The following ZFYVE1 variants were observed in gnomAD, a reference collection of about 807,000 sequenced individuals.
ZFYVE1 encodes the protein zinc finger FYVE-type containing 1.
In ZFYVE1, 30 loss-of-function variants were observed where a neutral mutation model predicts 74.4. The observed-to-expected ratio is 0.40, with a 90% CI of 0.30 to 0.55. The LOEUF (loss-of-function observed/expected upper bound fraction) is 0.55. Among genes scored for constraint, ZFYVE1 ranks in the 20% least tolerant of loss-of-function variants. The probability of loss-of-function intolerance (pLI) is 0.42; values close to 1 mark genes in which losing one functional copy is unlikely to be tolerated. For synonymous variants in ZFYVE1, 335 were observed against 385.1 expected, an observed-to-expected ratio of 0.87 and a Z score of 1.52; for missense variants, 703 against 1,011.6, an observed-to-expected ratio of 0.69 and a Z score of 4.14.
intron 2 of ZFYVE1, 113 bp from the exon 3 acceptor site, chr14:72,998,428 AG>A (rs1332964839): frequency 1.9e-6 from 2 of 1,027,562 alleles, no homozygotes; most frequent in Non-Finnish European, 2.7e-6. Flanking sequence ...TGTCAAAGAA[AG>A]GAAGTCACAG....
intron 11 of ZFYVE1, among the ~76,000 whole-genome samples, chr14:72,973,508 CAAACAAAA>C (rs893913270): frequency 5.6e-4 from 81 of 145,654 alleles, no homozygotes; most frequent in Non-Finnish European, 3.1e-4. Context: ...AACAAACAAA[CAAACAAAA>C]AAAAAGAGAT....
intron 2 of ZFYVE1, among the ~76,000 whole-genome samples, chr14:73,020,553 C>T (rs1033074395): frequency 5.3e-5 from 8 of 152,146 alleles, no homozygotes; most frequent in Non-Finnish European, 4.4e-5. Context: ...GGAGTTTCAC[C>T]ATGTTGGCCA....
At chr14:73,023,247 T>C (rs1407979074) in intron 2 of ZFYVE1, among the ~76,000 whole-genome samples, 1 of 130,918 alleles carries the variant, frequency 7.6e-6, no homozygotes, top group Non-Finnish European at 1.6e-5. Flanking sequence ...ATGTAATATA[T>C]ATATTATATG....
chr14:73,005,159 C>A (rs770256115), intron 2 of ZFYVE1, among the ~76,000 whole-genome samples: 1 of 152,124 alleles, frequency 6.6e-6, no homozygotes, highest in East Asian at 1.9e-4. Context: ...TCATCCTTAA[C>A]ACATGAGTAT....
intron 3 of ZFYVE1, among the ~76,000 whole-genome samples, chr14:72,997,133 G>A (rs779474241): frequency 3.9e-5 from 6 of 152,056 alleles, no homozygotes; most frequent in South Asian, 4.1e-4. Context: ...TCCTAAGGCC[G>A]ACCCTTCCAC....
intron 2 of ZFYVE1, among the ~76,000 whole-genome samples, chr14:73,008,809 G>A (rs962220476): frequency 6.6e-6 from 1 of 152,116 alleles, no homozygotes; most frequent in African/African-American, 2.4e-5. Flanking sequence ...CTTTCATTCT[G>A]GAATGATTCT....
intron 4 of ZFYVE1, among the ~76,000 whole-genome samples, chr14:72,987,215 C>T (rs1157422975): frequency 1.3e-5 from 2 of 152,168 alleles, no homozygotes; most frequent in Admixed American, 6.5e-5. Flanking sequence ...AAATGCTTCC[C>T]GATGTGACAG....
intron 3 of ZFYVE1, among the ~76,000 whole-genome samples, chr14:72,995,493 A>G (rs1282670829): frequency 1.4e-3 from 1 of 702 alleles, no homozygotes; most frequent in Non-Finnish European, 0.015. Context: ...TCAATGTCCC[A>G]AAGTGCTGGA....
At chr14:72,989,981 GA>G (rs1425462764) in intron 4 of ZFYVE1, among the ~76,000 whole-genome samples, 1 of 152,028 alleles carries the variant, frequency 6.6e-6, no homozygotes. Context: ...AAAACAAGTG[GA>G]GAAGAAAAGA....
Position 72,976,174 on chromosome 14 carries a change from CA to C in ZFYVE1, c.1636-454del, listed in dbSNP as rs374281847. Among the ~76,000 whole-genome samples the C allele has an allele frequency of 1.7e-3, 262 of 152,016 alleles. 2 individuals carry two copies. Among genetic ancestry groups the C allele is most frequent in the African/African-American group, 5.8e-3 (242 of 41,460 alleles). ...AAAGTAACTAGCTCAGTGCTGGGCA[CA>C]AGGTACACAACAATGTATGCTGAAT... is the stretch of plus-strand genomic sequence containing the variant. On this transcript the variant is annotated intron_variant, in intron 8 of 11. Transcript: ENST00000556143.
chr14:72,982,077 A>T (rs1893348285), intron 4 of ZFYVE1, among the ~76,000 whole-genome samples, 182 bp from the exon 5 acceptor site: 1 of 152,202 alleles, frequency 6.6e-6, no homozygotes. Context: ...CTTGGAAAGA[A>T]CCAGCCCATT....
chr14:72,977,924 T>G lies in ZFYVE1; in HGVS notation c.1635+3A>C. On this transcript the variant is annotated splice_donor_region_variant and intron_variant, in intron 8 of 11. Transcript: ENST00000556143. ...AAAAACAGAGAAATCCAACAGTTCT[T>G]ACTCCAGGCCACACATGCACAATCT... 1 of 1,613,968 alleles carries G rather than the reference T, an allele frequency of 6.2e-7. No individual in the cohort carries two copies. The highest frequency in any genetic ancestry group is 8.5e-7 in the Non-Finnish European group (1 of 1,179,918).
At chr14:72,981,746 T>C (rs1476120134) in intron 5 of ZFYVE1, 43 bp downstream of exon 5, 2 of 1,581,708 alleles carry the variant, frequency 1.3e-6, no homozygotes. Flanking sequence ...AAGGCTCTAT[T>C]CTCAAGGTAT....
chr14:73,020,259 C>CAA (rs33955263), intron 2 of ZFYVE1, among the ~76,000 whole-genome samples: 72,240 of 106,070 alleles, frequency 0.68, 25,330 homozygotes, highest in African/African-American at 0.73. Context: ...GACTCCATCT[C>CAA]AAAAAAAAAA....
intron 4 of ZFYVE1, among the ~76,000 whole-genome samples, chr14:72,988,302 G>A (rs1030842901): frequency 6.6e-6 from 1 of 151,640 alleles, no homozygotes; most frequent in Admixed American, 6.6e-5. Context: ...AGCCTCCCGG[G>A]TAGCTGGGAT....
intron 3 of ZFYVE1, among the ~76,000 whole-genome samples, chr14:72,995,190 G>A (rs2140365118): frequency 6.6e-6 from 1 of 152,282 alleles, no homozygotes; most frequent in African/African-American, 2.4e-5. Context: ...CACCTCCAGG[G>A]TTCAAGCGAT....
At chr14:72,981,668 C>G in intron 5 of ZFYVE1, 121 bp downstream of exon 5, 1 of 923,890 alleles carries the variant, frequency 1.1e-6, no homozygotes, top group Non-Finnish European at 1.7e-6. Flanking sequence ...TAATTTAAAT[C>G]AGAACCTGTA....
chr14:72,978,280 G>GT (rs747050428), intron 6 of ZFYVE1, 46 bp from the exon 7 acceptor site: 10 of 1,591,836 alleles, frequency 6.3e-6, no homozygotes, highest in Middle Eastern at 1.8e-4. Context: ...TTTTTTGTTT[G>GT]TTTTTTTAAT....
At chr14:73,022,115 A>G (rs1490833433) in intron 2 of ZFYVE1, among the ~76,000 whole-genome samples, 2 of 152,236 alleles carry the variant, frequency 1.3e-5, no homozygotes, top group Non-Finnish European at 2.9e-5. Context: ...TAAAAGATTC[A>G]GTCCACAATG....
Sources: gnomAD v4.1 joint callset for allele counts (sites outside exome capture counted in the v4.1 genomes callset) on GRCh38, gnomAD v4.1.1 for gene constraint, MANE v1.5 for transcripts, NCBI Gene and HGNC (gene_info 2026-07-23, HGNC 2026-07-21) for gene names.